BMPR1A: variants seen among roughly 807,000 people sequenced by gnomAD.
The protein encoded by BMPR1A is bone morphogenetic protein receptor type 1A.
In BMPR1A, 7 loss-of-function variants were observed where a neutral mutation model predicts 66.0. That is an observed-to-expected ratio of 0.11 (90% confidence interval 0.06 to 0.20). BMPR1A has a LOEUF of 0.20. Among genes scored for constraint, BMPR1A ranks in the 10% least tolerant of loss-of-function variants. The pLI is 1.00. For missense variants in BMPR1A, 408 were observed against 669.1 expected (o/e 0.61, Z 4.31); for synonymous variants, 200 against 229.7 (o/e 0.87, Z 1.17).
In BMPR1A at chr10:86,923,477, A is replaced by G. The variant is rs974639091; in HGVS notation, c.1444A>G (p.Ile482Val). The G allele has an allele frequency of 2.5e-6, 4 of 1,614,104 alleles. No individual in the cohort carries two copies. The highest frequency in any genetic ancestry group is 2.2e-5 in the East Asian group (1 of 44,900). Residue 482 changes from isoleucine to valine, a missense_variant, in exon 12 of 13, where the codon ATT becomes GTT. By Grantham distance (29) the Ile-to-Val change is conservative (BLOSUM62 3). Transcript: ENST00000372037. ...EVVCVKRLRP[I>V]VSNRWNSDEC... Reference sequence around the variant, plus strand: ...TGTGTGTGTCAAACGTTTGCGGCCAATTGTGTCTAATCGGTGGAACAGTGA... The same window carrying G: ...TGTGTGTGTCAAACGTTTGCGGCCAGTTGTGTCTAATCGGTGGAACAGTGA...
intron 3 of BMPR1A, among the ~76,000 whole-genome samples, chr10:86,879,123 C>T (rs1170699259): frequency 6.6e-6 from 1 of 152,074 alleles, no homozygotes; most frequent in African/African-American, 2.4e-5. Context: ...CTCATCAAGA[C>T]CCAAGTTCTT....
intron 2 of BMPR1A, among the ~76,000 whole-genome samples, chr10:86,844,612 C>A (rs1009465641): frequency 2.6e-5 from 4 of 152,060 alleles, no homozygotes; most frequent in African/African-American, 9.7e-5. Flanking sequence ...TAGAACTTTG[C>A]AATATTTAGA....
In BMPR1A at chr10:86,870,192, G is replaced by A. The variant is rs75574488; in HGVS notation, c.-152-5675G>A. 2.6e-5 allele frequency among the ~76,000 whole-genome samples: 4 copies of A among 152,122 alleles called. No individual in the cohort carries two copies. The East Asian group carries it at 5.8e-4, about 22-fold the overall frequency. On this transcript the variant is annotated intron_variant, in intron 2 of 12. Transcript: ENST00000372037. ...ATATTACCGTTCTTTTAGCATAACCGATTTGTATGTTCAGCCCCAAATGTG... is the reference window on the plus strand; with the variant it reads ...ATATTACCGTTCTTTTAGCATAACCAATTTGTATGTTCAGCCCCAAATGTG...
intron 1 of BMPR1A, among the ~76,000 whole-genome samples, chr10:86,835,249 GAA>G (rs200647478): frequency 0.012 from 1,374 of 117,394 alleles, 26 homozygotes; most frequent in African/African-American, 0.041. Flanking sequence ...AAGAAAAAAA[GAA>G]AAAAAAAAAA....
chr10:86,884,361 C>T (rs1843036800), intron 3 of BMPR1A, among the ~76,000 whole-genome samples: 1 of 140,742 alleles, frequency 7.1e-6, no homozygotes, highest in African/African-American at 2.6e-5. Flanking sequence ...GCTAGGATTA[C>T]AGGCATGAGC....
At chr10:86,930,996 AT>A (rs1843802282), downstream of BMPR1A, 1 of 152,058 alleles carries the variant, frequency 6.6e-6, no homozygotes, top group East Asian at 2.0e-4. Context: ...AATGCCTCTA[AT>A]CCCAGCACTC....
intron 8 of BMPR1A, among the ~76,000 whole-genome samples, chr10:86,913,289 A>ATTTTTTTTTTTTTTTTTTTTTTTTTTTTT (rs36002213): frequency 8.4e-6 from 1 of 119,076 alleles, no homozygotes. Context: ...CACCAGGCTA[A>ATTTTTTTTTTTTTTTTTTTTTTTTTTTTT]TTTTTTTTTT....
intron 2 of BMPR1A, among the ~76,000 whole-genome samples, chr10:86,868,494 GCCATGCGA>G (rs1330660585): frequency 6.6e-6 from 1 of 152,248 alleles, no homozygotes; most frequent in Non-Finnish European, 1.5e-5. Flanking sequence ...GAGCAGAGCA[GCCATGCGA>G]ACAATGGCCT....
At chr10:86,864,027 A>G (rs1842747739) in intron 2 of BMPR1A, among the ~76,000 whole-genome samples, 1 of 152,218 alleles carries the variant, frequency 6.6e-6, no homozygotes, top group Non-Finnish European at 1.5e-5. Context: ...TAGAGATTTA[A>G]TAGTGTTGCC....
chr10:86,862,215 G>T (rs569457610), intron 2 of BMPR1A, among the ~76,000 whole-genome samples: 4 of 152,334 alleles, frequency 2.6e-5, no homozygotes, highest in South Asian at 4.1e-4. Context: ...TAGGCATGGG[G>T]ATGGGATTAC....
chr10:86,891,996 G>A (rs1227537983), intron 4 of BMPR1A, 131 bp from the exon 5 acceptor site: 2 of 723,830 alleles, frequency 2.8e-6, no homozygotes, highest in Non-Finnish European at 4.8e-6. Flanking sequence ...TAAATCACGT[G>A]TGAATGCAAT....
intron 2 of BMPR1A, among the ~76,000 whole-genome samples, chr10:86,873,951 CCTT>C (rs1476391461): frequency 3.9e-5 from 6 of 152,136 alleles, no homozygotes; most frequent in Admixed American, 3.3e-4. Flanking sequence ...TCACTGTAAA[CCTT>C]CTTTGCCTCA....
intron 1 of BMPR1A, among the ~76,000 whole-genome samples, chr10:86,814,783 T>C (rs1332906178): frequency 2.0e-5 from 3 of 152,100 alleles, no homozygotes; most frequent in African/African-American, 7.2e-5. Context: ...TCACTGTTTT[T>C]TTTTGTTTGT....
rs111574655 is a variant in BMPR1A at position 86,798,720 on chromosome 10, T to C, written c.-267-40145T>C. ...AATTGTATTGAGATTTTGCCCAGTA[T>C]GTCTTTTTACTTAAACACCTTGGTG... On this transcript the variant is annotated intron_variant, in intron 1 of 12. Transcript: ENST00000372037. Among the ~76,000 whole-genome samples, 176 of 152,370 alleles carry C rather than the reference T, an allele frequency of 1.2e-3. 1 individual carries two copies. The highest frequency in any genetic ancestry group is 4.0e-3 in the African/African-American group (167 of 41,586).
chr10:86,837,398 TGATGGAC>T (rs1842369169), intron 1 of BMPR1A, among the ~76,000 whole-genome samples: 1 of 152,174 alleles, frequency 6.6e-6, no homozygotes, highest in Non-Finnish European at 1.5e-5. Context: ...ACAGACACTT[TGATGGAC>T]TGTTTTTACT....
chr10:86,779,438 G>A (rs935341512), intron 1 of BMPR1A, among the ~76,000 whole-genome samples: 1 of 151,964 alleles, frequency 6.6e-6, no homozygotes, highest in Non-Finnish European at 1.5e-5. Flanking sequence ...TTCCCCGTTT[G>A]CCCATTTGCC....
At chr10:86,844,775 T>A (rs1036374765) in intron 2 of BMPR1A, among the ~76,000 whole-genome samples, 12 of 152,152 alleles carry the variant, frequency 7.9e-5, no homozygotes, top group South Asian at 2.1e-4. Flanking sequence ...AACTATTATT[T>A]TTTATTTATT....
At chr10:86,787,774 GC>G (rs2132750525) in intron 1 of BMPR1A, among the ~76,000 whole-genome samples, 1 of 152,284 alleles carries the variant, frequency 6.6e-6, no homozygotes, top group African/African-American at 2.4e-5. Flanking sequence ...GGAAGAGGAA[GC>G]AGGCCTATCT....
At chr10:86,915,886 G>T (rs1234859829) in intron 8 of BMPR1A, among the ~76,000 whole-genome samples, 4 of 152,106 alleles carry the variant, frequency 2.6e-5, no homozygotes, top group Non-Finnish European at 5.9e-5. Context: ...GAAAATGAAA[G>T]ATAACAATCC....
Sources: gnomAD v4.1 joint callset for allele counts (sites outside exome capture counted in the v4.1 genomes callset) on GRCh38, gnomAD v4.1.1 for gene constraint, MANE v1.5 for transcripts, NCBI Gene and HGNC (gene_info 2026-07-23, HGNC 2026-07-21) for gene names.